MYO3A: variants seen among roughly 807,000 people sequenced by gnomAD.
MYO3A encodes the protein myosin-IIIa.
A neutral mutation model predicts 192.7 loss-of-function variants in MYO3A; 180 were observed. That is an observed-to-expected ratio of 0.93 (90% CI 0.83 to 1.06). The LOEUF is 1.06. MYO3A is among the 50% of genes least tolerant of loss of function. The pLI, the probability that MYO3A is intolerant of heterozygous loss-of-function variation, is 0.00. For missense variants in MYO3A, 1,896 were observed against 1,905.0 expected (o/e 1.00, Z 0.09); for synonymous variants, 628 against 645.3 (o/e 0.97, Z 0.41).
intron 17 of MYO3A, among the ~76,000 whole-genome samples, chr10:26,117,003 A>G (rs192658469): frequency 1.3e-5 from 2 of 152,320 alleles, no homozygotes; most frequent in Admixed American, 1.3e-4. Flanking sequence ...CCAGTTGGGG[A>G]ACCCCAAGAT....
chr10:26,102,535 A>G (rs1837524111), intron 17 of MYO3A, among the ~76,000 whole-genome samples: 1 of 152,072 alleles, frequency 6.6e-6, no homozygotes, highest in South Asian at 2.1e-4. Flanking sequence ...TTGTGGTTTT[A>G]TCTACCTTTG....
intron 4 of MYO3A, among the ~76,000 whole-genome samples, chr10:25,963,205 T>A (rs1353185755): frequency 6.6e-6 from 1 of 152,236 alleles, no homozygotes; most frequent in African/African-American, 2.4e-5. Context: ...GACTAAAGAC[T>A]GCCAATTACA....
chr10:26,056,336 G>T (rs1007595778), intron 10 of MYO3A, among the ~76,000 whole-genome samples: 2 of 152,094 alleles, frequency 1.3e-5, no homozygotes, highest in Non-Finnish European at 2.9e-5. Flanking sequence ...TCTAAGAATT[G>T]TGGAATAACT....
chr10:26,202,940 G>A lies in MYO3A; in HGVS notation c.4587-24G>A, dbSNP rs762109261. On this transcript the variant is annotated intron_variant, in intron 33 of 34. Transcript: ENST00000642920. ...AGTAGAAAATTAGATTGATGCAATG[G>A]TGTGTTTATGTGTTCATTTACAGTC... 1.7e-5 allele frequency: 28 copies of A among 1,612,058 alleles called. 1 individual carries two copies. In the South Asian group the frequency reaches 2.7e-4, roughly 16 times the overall value.
At chr10:26,118,504 C>T (rs1042347971) in intron 17 of MYO3A, among the ~76,000 whole-genome samples, 6 of 152,162 alleles carry the variant, frequency 3.9e-5, no homozygotes, top group African/African-American at 1.4e-4. Context: ...TGAGTTTTTC[C>T]ATCTTGCCCC....
chr10:25,939,478 T>C (rs1259734374), intron 2 of MYO3A, among the ~76,000 whole-genome samples: 1 of 152,154 alleles, frequency 6.6e-6, no homozygotes, highest in East Asian at 1.9e-4. Flanking sequence ...CTTTAGTTGC[T>C]GGTCATACAT....
chr10:26,047,721 G>A (rs1232049581), intron 10 of MYO3A, among the ~76,000 whole-genome samples: 1 of 152,038 alleles, frequency 6.6e-6, no homozygotes, highest in Non-Finnish European at 1.5e-5. Flanking sequence ...CTTGCAGTGA[G>A]CCGAGATTGC....
intron 4 of MYO3A, among the ~76,000 whole-genome samples, chr10:25,979,292 A>C (rs957492446): frequency 2.6e-5 from 4 of 152,250 alleles, no homozygotes; most frequent in East Asian, 1.9e-4. Context: ...TTTTGTATAC[A>C]TACTTGTTTT....
Position 26,153,920 on chromosome 10 carries a change from C to T in MYO3A, c.2706C>T (p.Asn902=), listed in dbSNP as rs1469020695. ...YQMRTSEKLI[N]LAKGDTGEAT... is the part of the protein sequence containing the mutation. Reference sequence around the variant, plus strand: ...TGAGGACTTCAGAAAAATTAATCAACCTGGCAAAGGTAAGAAAATGCTTTT... The same window carrying T: ...TGAGGACTTCAGAAAAATTAATCAATCTGGCAAAGGTAAGAAAATGCTTTT... Residue 902 remains asparagine (N), a synonymous_variant, in exon 24 of 35, where the codon AAC becomes AAT. Transcript: ENST00000642920. The T allele has an allele frequency of 6.3e-7, 1 of 1,590,022 alleles. No homozygotes were observed. Among genetic ancestry groups the T allele is most frequent in the South Asian group, 1.1e-5 (1 of 90,562 alleles).
intron 4 of MYO3A, among the ~76,000 whole-genome samples, chr10:25,956,285 A>G (rs996738765): frequency 5.3e-5 from 8 of 152,048 alleles, no homozygotes; most frequent in African/African-American, 1.7e-4. Context: ...TAGGCACAAT[A>G]ATCATATATA....
At chr10:26,070,076 A>G (rs1835104521) in intron 12 of MYO3A, 35 bp from the exon 13 acceptor site, 1 of 1,476,676 alleles carries the variant, frequency 6.8e-7, no homozygotes. Flanking sequence ...ATAAAAACAA[A>G]AAGCCCTACA....
rs1838814984 is a variant in MYO3A, at chr10:26,120,780, T to C, written c.1881T>C (p.Ser627=). The change falls in exon 18 of 35, where the codon TCT becomes TCC. Residue 627 remains serine, a synonymous_variant. Transcript: ENST00000642920. ...ACCAGATTGACAAGAGCCACATTTC[T>C]AATCATACAGCCCTGGAGAACTGTA... ...TEHQIDKSHI[S]NHTALENCAS... 1 of 1,613,994 alleles carries C rather than the reference T, an allele frequency of 6.2e-7. No homozygotes were observed. Among genetic ancestry groups the C allele is most frequent in the Non-Finnish European group, 8.5e-7 (1 of 1,180,004 alleles).
chr10:25,979,958 C>A (rs58092961), intron 4 of MYO3A, among the ~76,000 whole-genome samples: 2 of 152,090 alleles, frequency 1.3e-5, no homozygotes, highest in East Asian at 3.9e-4. Context: ...AAGGAAAGGC[C>A]GGGCGCAATG....
chr10:26,052,764 G>A (rs1203103875), intron 10 of MYO3A, among the ~76,000 whole-genome samples: 1 of 152,082 alleles, frequency 6.6e-6, no homozygotes, highest in Non-Finnish European at 1.5e-5. Context: ...AGCAAATAAA[G>A]CTGTTTCATT....
At position 26,212,089 on chromosome 10, in the gene MYO3A, T is replaced by C. The variant is rs1462449186; in HGVS notation, c.*126T>C. 1.5e-5 allele frequency: 20 copies of C among 1,364,598 alleles called. No homozygotes were observed. Among genetic ancestry groups the C allele is most frequent in the Non-Finnish European group, 2.0e-5 (20 of 1,022,684 alleles). 84.5% of individuals were successfully genotyped at this position (1,364,598 alleles called of 1,614,324 possible). On this transcript the variant is annotated 3_prime_UTR_variant, in exon 35 of 35. Coordinates refer to ENST00000642920, the MANE Select transcript of MYO3A (RefSeq NM_017433.5). ...CTGCGGCCCTGATCTCCGCAGAGGC[T>C]GCCTGCTGCGCTCGGCCCTCAAGTG...
At chr10:25,980,345 T>C (rs1839250047) in intron 4 of MYO3A, among the ~76,000 whole-genome samples, 2 of 152,308 alleles carry the variant, frequency 1.3e-5, no homozygotes, top group African/African-American at 4.8e-5. Flanking sequence ...ATTTTGATTG[T>C]ATTTTAAGCC....
chr10:26,199,859 CT>C lies in MYO3A; in HGVS notation c.4546-1399del, dbSNP rs368079521. Among the ~76,000 whole-genome samples, 74 of 152,200 alleles carry C rather than the reference CT, an allele frequency of 4.9e-4. No homozygotes were observed. The East Asian group carries it at 0.014, about 29-fold the overall frequency. ...CAATTGTTACCCAGAACAAAAGGGA[CT>C]TTTTTTCAGGTAATGGATGAGGGAG... On this transcript the variant is annotated intron_variant, in intron 32 of 34. Coordinates refer to ENST00000642920, the MANE Select transcript of MYO3A (RefSeq NM_017433.5).
At position 26,157,332 on chromosome 10, in the gene MYO3A, C is replaced by A; in HGVS notation, c.2816C>A (p.Ser939Tyr). 6.2e-7 allele frequency: 1 copy of A among 1,614,014 alleles called. No individual in the cohort carries two copies. Among genetic ancestry groups the A allele is most frequent in the Non-Finnish European group, 8.5e-7 (1 of 1,179,968 alleles). ...YFRYSLMDLL[S>Y]KMVVGQPHFV... is the part of the protein sequence containing the mutation. ...TAGTATTCCCTGATGGATTTGTTGT[C>A]TAAAATGGTGGTGGGCCAACCTCAT... is the stretch of plus-strand genomic sequence containing the variant. The change falls in exon 26 of 35, where the codon TCT (serine) becomes TAT (tyrosine). Residue 939 changes from serine to tyrosine, a missense_variant. Ser to Tyr is a moderately radical substitution (Grantham distance 144). Transcript: ENST00000642920.
chr10:26,024,331 GTTC>G (rs1236901703), intron 9 of MYO3A, among the ~76,000 whole-genome samples: 2 of 152,176 alleles, frequency 1.3e-5, no homozygotes, highest in African/African-American at 2.4e-5. Context: ...CAATGGTCAT[GTTC>G]TTCTGTTCGC....
Sources: gnomAD v4.1 joint callset for allele counts (sites outside exome capture counted in the v4.1 genomes callset) on GRCh38, gnomAD v4.1.1 for gene constraint, MANE v1.5 for transcripts, NCBI Gene and HGNC (gene_info 2026-07-23, HGNC 2026-07-21) for gene names.